Variants in KIAA0753 observed in about 807,000 individuals in gnomAD.
KIAA0753 encodes the protein KIAA0753.
KIAA0753 carries 114 observed loss-of-function variants against 116.9 expected under a neutral mutation model. That is an observed-to-expected ratio of 0.98 (90% CI 0.84 to 1.14). KIAA0753 has a LOEUF of 1.14. KIAA0753 is among the 50% of genes most tolerant of loss of function. The pLI is 0.00. For synonymous variants in KIAA0753, 405 were observed against 413.1 expected (o/e 0.98, Z 0.24); for missense variants, 1,156 against 1,172.4 (o/e 0.99, Z 0.20).
chr17:6,634,156 G>A (rs1471451313), intron 2 of KIAA0753, among the ~76,000 whole-genome samples: 1 of 147,658 alleles, frequency 6.8e-6, no homozygotes, highest in Non-Finnish European at 1.5e-5. Flanking sequence ...AGGGTGGAGT[G>A]CAGTGGCACA....
intron 18 of KIAA0753, among the ~76,000 whole-genome samples, chr17:6,589,099 G>A (rs1465614973): frequency 1.3e-5 from 2 of 152,154 alleles, no homozygotes; most frequent in African/African-American, 4.8e-5. Flanking sequence ...TATTGTTAGG[G>A]GCTGAATGTC....
chr17:6,606,802 G>C, intron 12 of KIAA0753, 71 bp downstream of exon 12: 3 of 1,260,128 alleles, frequency 2.4e-6, no homozygotes, highest in Non-Finnish European at 3.5e-6. Flanking sequence ...GTCCAGGTTG[G>C]TTGCTAGAAC....
chr17:6,616,777 G>C (rs1455756263), intron 7 of KIAA0753, among the ~76,000 whole-genome samples: 2 of 152,218 alleles, frequency 1.3e-5, no homozygotes, highest in African/African-American at 4.8e-5. Context: ...AGTGAGCTGA[G>C]ATCGTGCCAC....
At chr17:6,619,608 G>A (rs760452628) in intron 7 of KIAA0753, among the ~76,000 whole-genome samples, 27 of 151,980 alleles carry the variant, frequency 1.8e-4, no homozygotes, top group Non-Finnish European at 3.1e-4. Flanking sequence ...TGCATTTTTT[G>A]TAGAGACAGA....
rs768926714 is a variant in KIAA0753, at chr17:6,589,886, C to T, written c.2679G>A (p.Pro893=). The part of the protein sequence containing the change: ...KEGRAPLFVP[P]GMQHSIGDYC... Reference sequence around the variant, plus strand: ...AGTCACCGATGCTGTGCTGCATACCCGGTGGGACAAAGAGGGGAGCTCGGC... The same window carrying T: ...AGTCACCGATGCTGTGCTGCATACCTGGTGGGACAAAGAGGGGAGCTCGGC... The change falls in exon 18 of 19, where the codon CCG becomes CCA. Residue 893 remains proline, a synonymous_variant. Transcript: ENST00000361413. 36 of 1,613,828 alleles carry T rather than the reference C, an allele frequency of 2.2e-5. No homozygotes were observed. Among genetic ancestry groups the T allele is most frequent in the African/African-American group, 6.7e-5 (5 of 74,912 alleles).
chr17:6,633,057 T>C (rs189910203), intron 2 of KIAA0753, among the ~76,000 whole-genome samples: 1 of 152,312 alleles, frequency 6.6e-6, no homozygotes, highest in East Asian at 1.9e-4. Flanking sequence ...TTTCTGATTC[T>C]GATCATTGTA....
At chr17:6,593,508 C>A (rs1969237533) in intron 16 of KIAA0753, among the ~76,000 whole-genome samples, 1 of 152,134 alleles carries the variant, frequency 6.6e-6, no homozygotes, top group African/African-American at 2.4e-5. Flanking sequence ...GGAATCCCAG[C>A]ACTTCAGGAG....
chr17:6,604,677 C>T (rs551958448), intron 12 of KIAA0753, among the ~76,000 whole-genome samples: 2 of 151,960 alleles, frequency 1.3e-5, no homozygotes, highest in South Asian at 4.2e-4. Flanking sequence ...GGTGTGGCAA[C>T]ATGAGGGCTC....
chr17:6,587,815 G>A (rs1458663234), intron 18 of KIAA0753, among the ~76,000 whole-genome samples: 1 of 152,094 alleles, frequency 6.6e-6, no homozygotes, highest in Non-Finnish European at 1.5e-5. Flanking sequence ...TTGAATACAA[G>A]GAAATAAATA....
intron 16 of KIAA0753, among the ~76,000 whole-genome samples, chr17:6,592,182 G>C (rs1233995317): frequency 6.6e-6 from 1 of 152,214 alleles, no homozygotes; most frequent in African/African-American, 2.4e-5. Context: ...CAGAGCACTT[G>C]AAAACAGAGA....
At position 6,582,422 on chromosome 17, in the gene KIAA0753, G is replaced by A. The variant is rs558789678; in HGVS notation, c.2787-2558C>T. Among the ~76,000 whole-genome samples, 8 of 152,292 alleles carry A rather than the reference G, an allele frequency of 5.3e-5. No homozygotes were observed. The South Asian group carries it at 1.7e-3, about 32-fold the overall frequency. On this transcript the variant is annotated intron_variant, in intron 18 of 18. Coordinates refer to ENST00000361413, the MANE Select transcript of KIAA0753 (RefSeq NM_014804.3). ...CCGCCCCATCCCTGTTGACTAAGGGGATGTATAAGAAACATTAACATGGTT... is the reference window on the plus strand; with the variant it reads ...CCGCCCCATCCCTGTTGACTAAGGGAATGTATAAGAAACATTAACATGGTT...
At chr17:6,589,593 G>A (rs1475636688) in intron 18 of KIAA0753, among the ~76,000 whole-genome samples, 186 bp downstream of exon 18, 1 of 151,922 alleles carries the variant, frequency 6.6e-6, no homozygotes, top group Non-Finnish European at 1.5e-5. Flanking sequence ...GGCACCGCCT[G>A]TGCTGTTTTA....
chr17:6,606,509 A>T (rs1055772802), intron 12 of KIAA0753, among the ~76,000 whole-genome samples: 2 of 152,258 alleles, frequency 1.3e-5, no homozygotes, highest in Non-Finnish European at 1.5e-5. Context: ...TAAAGTAGCT[A>T]TATGTTGATT....
Position 6,608,338 on chromosome 17 carries a change from C to G in KIAA0753, c.1829+10G>C. 1 of 1,342,160 alleles carries G rather than the reference C, an allele frequency of 7.5e-7. No homozygotes were observed. The highest frequency in any genetic ancestry group is 9.9e-7 in the Non-Finnish European group (1 of 1,010,192). 83.1% of individuals were successfully genotyped at this position (1,342,160 alleles called of 1,614,324 possible). The stretch of plus-strand genomic sequence containing the variant: ...TAATTCTCAAAGATCTGAAAAATAC[C>G]AGCACAAACCTGGCTGCTTCATGCT... On this transcript the variant is annotated intron_variant, in intron 10 of 18. Coordinates refer to ENST00000361413, the MANE Select transcript of KIAA0753 (RefSeq NM_014804.3).
At chr17:6,624,712 T>G (rs1399557213) in intron 4 of KIAA0753, 43 bp downstream of exon 4, 1 of 1,270,670 alleles carries the variant, frequency 7.9e-7, no homozygotes, top group Non-Finnish European at 1.1e-6. Flanking sequence ...AAGGAAGCAG[T>G]ACACAAGGCT....
At chr17:6,596,988 T>C (rs1969530232) in intron 14 of KIAA0753, among the ~76,000 whole-genome samples, 1 of 152,226 alleles carries the variant, frequency 6.6e-6, no homozygotes, top group African/African-American at 2.4e-5. Context: ...TATCAGGCAA[T>C]AGGATGAAAT....
chr17:6,598,526 C>T (rs1969633856), intron 14 of KIAA0753, among the ~76,000 whole-genome samples: 1 of 152,192 alleles, frequency 6.6e-6, no homozygotes, highest in Admixed American at 6.5e-5. Context: ...GCTCTGAAAC[C>T]TAAGAAGGAA....
chr17:6,612,240 T>A, intron 7 of KIAA0753, 92 bp from the exon 8 acceptor site: 1 of 889,282 alleles, frequency 1.1e-6, no homozygotes, highest in Non-Finnish European at 1.8e-6. Flanking sequence ...AGGCTCCAAA[T>A]ACCTATCCTA....
chr17:6,628,071 CATA>C, intron 3 of KIAA0753, 43 bp downstream of exon 3: 1 of 1,550,634 alleles, frequency 6.4e-7, no homozygotes, highest in South Asian at 1.2e-5. Context: ...TAAACTACCC[CATA>C]ATCACAGCCT....
Sources: allele counts gnomAD v4.1 joint callset (sites outside exome capture counted in the v4.1 genomes callset), GRCh38; gene constraint gnomAD v4.1.1; transcripts MANE v1.5; gene names NCBI Gene and HGNC (gene_info 2026-07-23, HGNC 2026-07-21).